The following FOXJ2 variants were observed in gnomAD, a reference collection of about 807,000 sequenced individuals.
FOXJ2 encodes forkhead box protein J2.
A neutral mutation model predicts 68.4 loss-of-function variants in FOXJ2; 18 were observed. The ratio of observed to expected loss-of-function variants is 0.26; its 90% CI spans 0.18 to 0.39. FOXJ2 has a LOEUF of 0.39. Among genes scored for constraint, FOXJ2 ranks in the 10% least tolerant of loss-of-function variants. The pLI is 1.00. For synonymous variants in FOXJ2, 274 were observed against 263.2 expected, an observed-to-expected ratio of 1.04 and a Z score of -0.40; for missense variants, 670 against 726.5, an observed-to-expected ratio of 0.92 and a Z score of 0.89.
intron 6 of FOXJ2, among the ~76,000 whole-genome samples, chr12:8,046,958 A>G (rs776958342): frequency 8.5e-5 from 13 of 152,344 alleles, no homozygotes; most frequent in Non-Finnish European, 1.5e-4. Flanking sequence ...AGAAACTGTC[A>G]GAAATAAAGT....
intron 8 of FOXJ2, 102 bp from the exon 9 acceptor site, chr12:8,049,260 T>C: frequency 1.2e-6 from 1 of 830,172 alleles, no homozygotes; most frequent in Non-Finnish European, 2.0e-6. Flanking sequence ...CCGTTATCAG[T>C]GGGGGTGATT....
chr12:8,051,630 CAG>C (rs764546005), intron 10 of FOXJ2, among the ~76,000 whole-genome samples: 2 of 152,112 alleles, frequency 1.3e-5, no homozygotes, highest in Non-Finnish European at 2.9e-5. Context: ...TCTCTAGAAT[CAG>C]GGGTCTGGGA....
intron 9 of FOXJ2, 130 bp from the exon 10 acceptor site, chr12:8,050,392 A>G: frequency 7.0e-7 from 1 of 1,420,520 alleles, no homozygotes. Flanking sequence ...TCATGCCTGC[A>G]GGAGCTACAG....
rs750896221 is a variant in FOXJ2, at chr12:8,048,749, G to A, written c.1278G>A (p.Lys426=). The part of the protein sequence containing the change: ...SNIDSLKESF[K]MVNRLNWSSI... ...TTGACTCTTTAAAGGAAAGCTTCAAGATGGTGAATCGGCTCAATTGGTCCA... is the reference window on the plus strand; with the variant it reads ...TTGACTCTTTAAAGGAAAGCTTCAAAATGGTGAATCGGCTCAATTGGTCCA... Residue 426 remains lysine (K), a synonymous_variant, in exon 8 of 11, where the codon AAG becomes AAA. Transcript: ENST00000162391. The A allele has an allele frequency of 1.1e-5, 17 of 1,614,036 alleles. No homozygotes were observed. The highest frequency in any genetic ancestry group is 2.5e-6 in the Non-Finnish European group (3 of 1,180,040).
chr12:8,048,135 T>C lies in FOXJ2; in HGVS notation c.1071T>C (p.Tyr357=). The C allele has an allele frequency of 6.2e-7, 1 of 1,613,814 alleles. No homozygotes were observed. Among genetic ancestry groups the C allele is most frequent in the Non-Finnish European group, 8.5e-7 (1 of 1,179,818 alleles). Residue 357 remains tyrosine (Y), a synonymous_variant, in exon 7 of 11, where the codon TAT becomes TAC. Coordinates refer to ENST00000162391, the MANE Select transcript of FOXJ2 (RefSeq NM_018416.3). ...PGGKQAGAEG[Y]GPPPVMAMHP... is the part of the protein sequence containing the mutation. Reference sequence around the variant, plus strand: ...GAAAGCAAGCTGGGGCGGAAGGCTATGGGCCTCCCCCTGTAATGGCCATGC... The same window carrying C: ...GAAAGCAAGCTGGGGCGGAAGGCTACGGGCCTCCCCCTGTAATGGCCATGC...
In FOXJ2 at chr12:8,048,742, G is replaced by A; in HGVS notation, c.1271G>A (p.Ser424Asn). Residue 424 changes from serine to asparagine, a missense_variant, in exon 8 of 11, where the codon AGC becomes AAC. Transcript: ENST00000162391. ...WCSNIDSLKE[S>N]FKMVNRLNWS... is the part of the protein sequence containing the mutation. Reference sequence around the variant, plus strand: ...TCTAATATTGACTCTTTAAAGGAAAGCTTCAAGATGGTGAATCGGCTCAAT... The same window carrying A: ...TCTAATATTGACTCTTTAAAGGAAAACTTCAAGATGGTGAATCGGCTCAAT... 1 of 1,614,126 alleles carries A rather than the reference G, an allele frequency of 6.2e-7. No individual in the cohort carries two copies. Among genetic ancestry groups the A allele is most frequent in the Non-Finnish European group, 8.5e-7 (1 of 1,180,028 alleles).
Position 8,048,766 on chromosome 12 carries a change from A to G in FOXJ2, c.1295A>G (p.Asn432Ser), listed in dbSNP as rs199855373. The G allele has an allele frequency of 1.2e-6, 2 of 1,614,116 alleles. No homozygotes were observed. Among genetic ancestry groups the G allele is most frequent in the Non-Finnish European group, 1.7e-6 (2 of 1,180,018 alleles). ...AGCTTCAAGATGGTGAATCGGCTCAATTGGTCCAGCATTGAGCAGTCACAA... is the reference window on the plus strand; with the variant it reads ...AGCTTCAAGATGGTGAATCGGCTCAGTTGGTCCAGCATTGAGCAGTCACAA... ...KESFKMVNRL[N>S]WSSIEQSQFS... Residue 432 changes from asparagine to serine, a missense_variant, in exon 8 of 11, where the codon AAT (asparagine) becomes AGT (serine). Coordinates refer to ENST00000162391, the MANE Select transcript of FOXJ2 (RefSeq NM_018416.3).
At position 8,054,286 on chromosome 12, in the gene FOXJ2, CAG is replaced by C. The variant is rs1359045808; in HGVS notation, c.*1437_*1438del. 1 of 152,158 alleles carries C rather than the reference CAG, an allele frequency of 6.6e-6. No homozygotes were observed. The highest frequency in any genetic ancestry group is 1.9e-4 in the East Asian group (1 of 5,198). The allele number at this position is 152,158 out of a possible 1,614,324, so 9.4% of individuals were successfully genotyped here. On this transcript the variant is annotated 3_prime_UTR_variant, in exon 11 of 11. Coordinates refer to ENST00000162391, the MANE Select transcript of FOXJ2 (RefSeq NM_018416.3). ...CCATGACTTACTGTTGCAAAGTACT[CAG>C]TGTATATTTAATGTTGATTGTTGAA...
At chr12:8,044,150 C>T in intron 5 of FOXJ2, 59 bp downstream of exon 5, 1 of 1,435,394 alleles carries the variant, frequency 7.0e-7, no homozygotes, top group Non-Finnish European at 9.2e-7. Flanking sequence ...CAGATGTCTC[C>T]CTGTTTATTC....
rs1403035476 is a variant in FOXJ2 at position 8,054,933 on chromosome 12, A to C, written c.*2083A>C. ...TCCATACAGGATTTGCAAGGGTAGG[A>C]TCATACATGCAAATGCCCCTTGTTC... On this transcript the variant is annotated 3_prime_UTR_variant, in exon 11 of 11. Coordinates refer to ENST00000162391, the MANE Select transcript of FOXJ2 (RefSeq NM_018416.3). 1 of 152,202 alleles carries C rather than the reference A, an allele frequency of 6.6e-6. No individual in the cohort carries two copies. Among genetic ancestry groups the C allele is most frequent in the Non-Finnish European group, 1.5e-5 (1 of 68,042 alleles). The allele number at this position is 152,202 out of a possible 1,614,324, so 9.4% of individuals were successfully genotyped here.
intron 7 of FOXJ2, 40 bp from the exon 8 acceptor site, chr12:8,048,657 T>G: frequency 1.3e-6 from 2 of 1,559,426 alleles, no homozygotes; most frequent in South Asian, 2.2e-5. Context: ...GTCTTACACT[T>G]CACTCTATCT....
In FOXJ2 at chr12:8,055,337, A is replaced by C. The variant is rs1294206302; in HGVS notation, c.*2487A>C. On this transcript the variant is annotated 3_prime_UTR_variant, in exon 11 of 11. Transcript: ENST00000162391. The stretch of plus-strand genomic sequence containing the variant: ...TATTTGGTATAGATCCACCCATCCC[A>C]ACCTTTCTCTCCTCAGTCCCTGCTC... The C allele has an allele frequency of 3.3e-5, 5 of 152,562 alleles. No homozygotes were observed. Among genetic ancestry groups the C allele is most frequent in the Admixed American group, 1.3e-4 (2 of 15,282 alleles). The allele number at this position is 152,562 out of a possible 1,614,324, so 9.5% of individuals were successfully genotyped here.
At chr12:8,046,202 T>C (rs902029336) in intron 6 of FOXJ2, among the ~76,000 whole-genome samples, 1 of 152,212 alleles carries the variant, frequency 6.6e-6, no homozygotes, top group Admixed American at 6.5e-5. Flanking sequence ...GCAGCAGCAG[T>C]ACCCTCTCCT....
rs979412744 is a variant in FOXJ2, at chr12:8,048,017, A to G, written c.953A>G (p.Gln318Arg). The G allele has an allele frequency of 1.2e-6, 2 of 1,613,372 alleles. No individual in the cohort carries two copies. The highest frequency in any genetic ancestry group is 2.7e-5 in the African/African-American group (2 of 74,862). The change falls in exon 7 of 11, where the codon CAG becomes CGG. Residue 318 changes from glutamine to arginine, a missense_variant. By Grantham distance (43) the Gln-to-Arg change is conservative. This residue lies in a region of FOXJ2 where 555 missense variants were observed against 562.2 expected (regional missense o/e 0.99). Transcript: ENST00000162391. Reference sequence around the variant, plus strand: ...CCACCTCCCCAGCAGTCCCAGCCACAGCAGCAGCAGGCACCTGCCCAGGGC... The same window carrying G: ...CCACCTCCCCAGCAGTCCCAGCCACGGCAGCAGCAGGCACCTGCCCAGGGC... Reference protein sequence around the residue: ...PQPPPQQSQPQQQQAPAQGPS... With the variant: ...PQPPPQQSQPRQQQAPAQGPS...
rs1273474300 is a variant in FOXJ2, at chr12:8,038,822, G to C, written c.-14-997G>C. On this transcript the variant is annotated intron_variant, in intron 1 of 10. Transcript: ENST00000162391. The surrounding 1 kb of genome is among the most constrained non-coding windows in gnomAD (Gnocchi z 5.3). Reference sequence around the variant, plus strand: ...TCTGGCAGCTCCAGGAGTTTGCATGGAGGTGCAGCGAGCGTGCCTGCCTGG... The same window carrying C: ...TCTGGCAGCTCCAGGAGTTTGCATGCAGGTGCAGCGAGCGTGCCTGCCTGG... Among the ~76,000 whole-genome samples, 3 of 152,126 alleles carry C rather than the reference G, an allele frequency of 2.0e-5. No individual in the cohort carries two copies. Among genetic ancestry groups the C allele is most frequent in the Non-Finnish European group, 4.4e-5 (3 of 68,034 alleles).
intron 1 of FOXJ2, among the ~76,000 whole-genome samples, chr12:8,036,979 C>T (rs1158743848): frequency 6.6e-6 from 1 of 152,124 alleles, no homozygotes; most frequent in African/African-American, 2.4e-5. Flanking sequence ...ATCCCAGCTA[C>T]TCGGGAGGCT....
At chr12:8,036,960 G>T (rs189743097) in intron 1 of FOXJ2, among the ~76,000 whole-genome samples, 73 of 152,268 alleles carry the variant, frequency 4.8e-4, no homozygotes, top group African/African-American at 1.7e-3. Flanking sequence ...GTGGTGGCGT[G>T]TGCCTATAAT....
chr12:8,039,707 C>T (rs894038454), intron 1 of FOXJ2, 112 bp from the exon 2 acceptor site: 5 of 901,884 alleles, frequency 5.5e-6, no homozygotes, highest in Non-Finnish European at 8.5e-6. Flanking sequence ...AAGGCCATGC[C>T]ATGGGTGTCT....
intron 1 of FOXJ2, among the ~76,000 whole-genome samples, chr12:8,037,963 A>G (rs1946918480): frequency 6.6e-6 from 1 of 152,148 alleles, no homozygotes; most frequent in Non-Finnish European, 1.5e-5. Context: ...TGAAGAGGAT[A>G]GTGGGAGAGA....
Sources: gnomAD v4.1 joint callset for allele counts (sites outside exome capture counted in the v4.1 genomes callset) on GRCh38, gnomAD v4.1.1 for gene constraint, gnomAD v4.1.1 regional missense constraint, Gnocchi (gnomAD v3.1) non-coding constraint, MANE v1.5 for transcripts, NCBI Gene and HGNC (gene_info 2026-07-23, HGNC 2026-07-21) for gene names.